The following CACNA1D variants were observed in gnomAD, a reference collection of about 807,000 sequenced individuals.
CACNA1D encodes the protein voltage-dependent L-type calcium channel subunit alpha-1D.
CACNA1D carries 55 observed loss-of-function variants against 257.1 expected under a neutral mutation model. The ratio of observed to expected loss-of-function variants is 0.21; its 90% CI spans 0.17 to 0.27. The LOEUF is 0.27. Ranked by LOEUF, CACNA1D falls within the 10% of genes least tolerant of loss-of-function variation. The pLI is 1.00. For synonymous variants in CACNA1D, 980 were observed against 1,014.9 expected, an observed-to-expected ratio of 0.97 and a Z score of 0.65; for missense variants, 1,876 against 2,784.0, an observed-to-expected ratio of 0.67 and a Z score of 7.34.
intron 3 of CACNA1D, among the ~76,000 whole-genome samples, chr3:53,574,983 G>A (rs1194012900): frequency 6.6e-6 from 1 of 152,338 alleles, no homozygotes; most frequent in African/African-American, 2.4e-5. Flanking sequence ...CCTCATTGAG[G>A]TCTTGAGACA....
intron 27 of CACNA1D, among the ~76,000 whole-genome samples, chr3:53,750,118 G>A (rs2095212802): frequency 1.3e-5 from 2 of 152,342 alleles, no homozygotes; most frequent in East Asian, 1.9e-4. Context: ...GACTAAGATT[G>A]TATTGGCATC....
chr3:53,792,615 C>A (rs1053101147), intron 40 of CACNA1D, among the ~76,000 whole-genome samples: 1 of 151,986 alleles, frequency 6.6e-6, no homozygotes, highest in Admixed American at 6.5e-5. Flanking sequence ...GAAGTGGACA[C>A]CCTTCCAAGC....
chr3:53,721,462 C>T (rs938780717), intron 11 of CACNA1D, among the ~76,000 whole-genome samples: 2 of 152,148 alleles, frequency 1.3e-5, no homozygotes, highest in African/African-American at 4.8e-5. Flanking sequence ...GGATCTGGGT[C>T]ACTGAGCTGC....
rs192800964 is a variant in CACNA1D, at chr3:53,632,700, G to A, written c.484-18079G>A. Among the ~76,000 whole-genome samples, 28 of 152,258 alleles carry A rather than the reference G, an allele frequency of 1.8e-4. No individual in the cohort carries two copies. The Middle Eastern group carries it at 0.01, about 55-fold the overall frequency. ...AGAGGCTGTTGTAGGGTTATTAATT[G>A]GTCTAATTTCAATGTTATTGCGTCT... On this transcript the variant is annotated intron_variant, in intron 3 of 47. Coordinates refer to ENST00000350061, the MANE Select transcript of CACNA1D (RefSeq NM_001128840.3).
chr3:53,518,454 C>T (rs528930131), intron 3 of CACNA1D, among the ~76,000 whole-genome samples: 3 of 152,174 alleles, frequency 2.0e-5, no homozygotes, highest in Admixed American at 1.3e-4. Context: ...AATAGGTGTC[C>T]GGTGGTCTCT....
At chr3:53,749,957 A>G (rs1192171926) in intron 27 of CACNA1D, among the ~76,000 whole-genome samples, 6 of 152,298 alleles carry the variant, frequency 3.9e-5, no homozygotes, top group Non-Finnish European at 7.3e-5. Flanking sequence ...TTAGATGCCA[A>G]TGGTTCGTCT....
chr3:53,804,920 TG>T, intron 44 of CACNA1D, 62 bp from the exon 45 acceptor site: 1 of 1,467,998 alleles, frequency 6.8e-7, no homozygotes, highest in Non-Finnish European at 9.6e-7. Context: ...GATGTCAGTC[TG>T]GCAGGGTTGA....
chr3:53,706,347 G>T (rs1479040793), intron 9 of CACNA1D, among the ~76,000 whole-genome samples: 1 of 152,238 alleles, frequency 6.6e-6, no homozygotes, highest in Non-Finnish European at 1.5e-5. Flanking sequence ...GAGCTCACAG[G>T]AGGCAAAGGC....
intron 3 of CACNA1D, among the ~76,000 whole-genome samples, chr3:53,648,482 C>T (rs531959446): frequency 7.8e-4 from 118 of 152,252 alleles, no homozygotes; most frequent in Non-Finnish European, 3.4e-4. Context: ...AGTGGCAATG[C>T]TGGTCCCTGC....
chr3:53,783,891 C>T (rs2095439060), intron 39 of CACNA1D, among the ~76,000 whole-genome samples: 2 of 152,224 alleles, frequency 1.3e-5, no homozygotes. Flanking sequence ...ACACCATCAC[C>T]TGGTCAAGAA....
At chr3:53,527,263 A>G (rs939892810) in intron 3 of CACNA1D, among the ~76,000 whole-genome samples, 2 of 133,930 alleles carry the variant, frequency 1.5e-5, no homozygotes, top group Non-Finnish European at 3.1e-5. Context: ...CAGATATCCC[A>G]TGTCTGTTGG....
intron 34 of CACNA1D, among the ~76,000 whole-genome samples, chr3:53,775,479 A>AGCCCAGGAGGTCGAGGCTGC (rs574755521): frequency 9.3e-4 from 142 of 152,300 alleles, no homozygotes; most frequent in African/African-American, 3.2e-3. Flanking sequence ...GGGGAGGCTG[A>AGCCCAGGAGGTCGAGGCTGC]GCCCAGGAGG....
At chr3:53,716,027 C>T (rs1485868927) in intron 9 of CACNA1D, among the ~76,000 whole-genome samples, 2 of 152,218 alleles carry the variant, frequency 1.3e-5, no homozygotes, top group African/African-American at 4.8e-5. Context: ...AATTGAAATG[C>T]TGCAACTGTA....
At chr3:53,742,446 A>T (rs2095127117) in intron 21 of CACNA1D, among the ~76,000 whole-genome samples, 1 of 152,240 alleles carries the variant, frequency 6.6e-6, no homozygotes, top group South Asian at 2.1e-4. Flanking sequence ...CTGGCTTCCT[A>T]GCCATGCCTG....
In CACNA1D at chr3:53,764,338, A is replaced by G. The variant is rs76499493; in HGVS notation, c.3870+2257A>G. Among the ~76,000 whole-genome samples the G allele has an allele frequency of 3.8e-3, 579 of 152,342 alleles. 5 individuals are homozygous for G. Among genetic ancestry groups the G allele is most frequent in the African/African-American group, 0.013 (561 of 41,574 alleles). Reference sequence around the variant, plus strand: ...TCATCTCACAACGCAAAGTGCTTACAATCTACTCGGAGGTATATTTACATG... The same window carrying G: ...TCATCTCACAACGCAAAGTGCTTACGATCTACTCGGAGGTATATTTACATG... On this transcript the variant is annotated intron_variant, in intron 30 of 47. Coordinates refer to ENST00000350061, the MANE Select transcript of CACNA1D (RefSeq NM_001128840.3).
chr3:53,495,089 C>A lies in CACNA1D; in HGVS notation c.-78C>A. On this transcript the variant is annotated 5_prime_UTR_variant, in exon 1 of 48. Coordinates refer to ENST00000350061, the MANE Select transcript of CACNA1D (RefSeq NM_001128840.3). The surrounding 1 kb of genome is among the most constrained non-coding windows in gnomAD (Gnocchi z 5.1). The stretch of plus-strand genomic sequence containing the variant: ...ACCGCGGCTCCTACCTCTTGGTGAT[C>A]CCCTTCCCCATTCCGCCCCCGCCTC... 6 of 1,013,136 alleles carry A rather than the reference C, an allele frequency of 5.9e-6. No individual in the cohort carries two copies. The South Asian group carries it at 6.3e-5, about 11-fold the overall frequency. 62.8% of individuals were successfully genotyped at this position (1,013,136 alleles called of 1,614,324 possible). A position where few individuals can be genotyped will look rare whatever the true frequency, so the allele number is the denominator to read the frequency against.
At chr3:53,628,701 G>A (rs1174783673) in intron 3 of CACNA1D, among the ~76,000 whole-genome samples, 1 of 152,200 alleles carries the variant, frequency 6.6e-6, no homozygotes, top group African/African-American at 2.4e-5. Flanking sequence ...AGCGCCATAT[G>A]TGACTGTGCC....
intron 3 of CACNA1D, among the ~76,000 whole-genome samples, chr3:53,581,431 A>T (rs807198): frequency 0.71 from 108,007 of 152,082 alleles, 40,179 homozygotes; most frequent in Non-Finnish European, 0.82. Flanking sequence ...AGGCAGGTAC[A>T]TTCACATCAC....
At chr3:53,583,346 G>C (rs2093162972) in intron 3 of CACNA1D, among the ~76,000 whole-genome samples, 1 of 152,072 alleles carries the variant, frequency 6.6e-6, no homozygotes, top group East Asian at 1.9e-4. Context: ...TAAGCACAGG[G>C]ATAAGCCTTG....
Sources: gnomAD v4.1 joint callset for allele counts (sites outside exome capture counted in the v4.1 genomes callset) on GRCh38, gnomAD v4.1.1 for gene constraint, Gnocchi (gnomAD v3.1) non-coding constraint, MANE v1.5 for transcripts, NCBI Gene and HGNC (gene_info 2026-07-23, HGNC 2026-07-21) for gene names.